The following CRMP1 variants were observed in gnomAD, a reference collection of about 807,000 sequenced individuals.
CRMP1 encodes the protein dihydropyrimidinase-related protein 1.
Under a neutral mutation model 68.3 loss-of-function variants are expected in CRMP1, and 19 were observed. That is an observed-to-expected ratio of 0.28 (90% CI 0.19 to 0.41). The LOEUF (loss-of-function observed/expected upper bound fraction) is 0.41, where lower values mean the gene tolerates loss of function less well. CRMP1 is among the 10% of genes least tolerant of loss of function. CRMP1 has a pLI of 1.00. For missense variants in CRMP1, 791 were observed against 967.4 expected, an observed-to-expected ratio of 0.82 and a Z score of 2.42; for synonymous variants, 439 against 399.6, an observed-to-expected ratio of 1.10 and a Z score of -1.18.
At chr4:5,862,812 CT>C (rs1237698706) in intron 2 of CRMP1, among the ~76,000 whole-genome samples, 1 of 152,160 alleles carries the variant, frequency 6.6e-6, no homozygotes, top group Non-Finnish European at 1.5e-5. Flanking sequence ...ATGAGAGGTT[CT>C]TTTAATTATT....
chr4:5,874,898 C>T (rs1178059908), intron 1 of CRMP1, among the ~76,000 whole-genome samples: 3 of 152,154 alleles, frequency 2.0e-5, no homozygotes, highest in Non-Finnish European at 4.4e-5. Flanking sequence ...AAAGCCTGCA[C>T]GCTACAGATG....
chr4:5,840,403 A>G (rs1006473667), intron 8 of CRMP1, among the ~76,000 whole-genome samples: 20 of 152,202 alleles, frequency 1.3e-4, no homozygotes, highest in Non-Finnish European at 2.8e-4. Flanking sequence ...TTAGAGACCA[A>G]GGGCAAGAGA....
At position 5,839,611 on chromosome 4, in the gene CRMP1, C is replaced by A; in HGVS notation, c.1221G>T (p.Lys407Asn). 1 of 1,613,264 alleles carries A rather than the reference C, an allele frequency of 6.2e-7. No homozygotes were observed. Among genetic ancestry groups the A allele is most frequent in the Non-Finnish European group, 8.5e-7 (1 of 1,179,634 alleles). Reference sequence around the variant, plus strand: ...CGAACGCCGCAGCCTTGGCCCAGTTCTTGCTCCAGTAATGGGTGCCATCGG... The same window carrying A: ...CGAACGCCGCAGCCTTGGCCCAGTTATTGCTCCAGTAATGGGTGCCATCGG... ...LGTDGTHYWS[K>N]NWAKAAAFVT... Residue 407 changes from lysine (K) to asparagine (N), a missense_variant, in exon 9 of 14, where the codon AAG becomes AAT. This residue lies in a region of CRMP1 where 594 missense variants were observed against 763.6 expected (regional missense o/e 0.78). Transcript: ENST00000324989.
intron 11 of CRMP1, among the ~76,000 whole-genome samples, chr4:5,831,077 T>C (rs1022738441): frequency 5.3e-5 from 8 of 152,078 alleles, no homozygotes; most frequent in Non-Finnish European, 1.2e-4. Flanking sequence ...GCCTCTCAAG[T>C]AGCTAGGACT....
At chr4:5,868,187 AAC>A (rs1714125800) in intron 1 of CRMP1, among the ~76,000 whole-genome samples, 1 of 150,490 alleles carries the variant, frequency 6.6e-6, no homozygotes, top group Non-Finnish European at 1.5e-5. Context: ...AACCAAAAAG[AAC>A]ACAGTTCTGT....
At position 5,887,642 on chromosome 4, in the gene CRMP1, A is replaced by G. The variant is rs1294374590; in HGVS notation, c.381+4947T>C. On this transcript the variant is annotated intron_variant, in intron 1 of 13. Transcript: ENST00000324989. Reference sequence around the variant, plus strand: ...TAACCCTTCCCGGGCCGCAGCCGCCAGCGTCGCCCCATTAGGTTATTTTTA... The same window carrying G: ...TAACCCTTCCCGGGCCGCAGCCGCCGGCGTCGCCCCATTAGGTTATTTTTA... The G allele has an allele frequency of 3.0e-6, 3 of 985,386 alleles. No homozygotes were observed. In the African/African-American group the frequency reaches 5.2e-5, roughly 17 times the overall value. The allele number at this position is 985,386 out of a possible 1,614,324, so 61.0% of individuals were successfully genotyped here. A position where few individuals can be genotyped will look rare whatever the true frequency, so the allele number is the denominator to read the frequency against.
chr4:5,833,680 G>T (rs529625045), intron 11 of CRMP1, among the ~76,000 whole-genome samples: 26 of 152,258 alleles, frequency 1.7e-4, no homozygotes, highest in Middle Eastern at 3.4e-3. Flanking sequence ...ACAGTATTTG[G>T]CTGGATTGTG....
intron 1 of CRMP1, among the ~76,000 whole-genome samples, chr4:5,874,630 A>G (rs1311599558): frequency 6.6e-6 from 1 of 152,142 alleles, no homozygotes; most frequent in African/African-American, 2.4e-5. Context: ...GGGAGGCAAC[A>G]GACAAGAGGC....
rs964434830 is a variant in CRMP1 at position 5,843,312 on chromosome 4, G to A, written c.964-151C>T. On this transcript the variant is annotated intron_variant, in intron 6 of 13. Transcript: ENST00000324989. The surrounding 1 kb of genome is among the most constrained non-coding windows in gnomAD (Gnocchi z 4.1). ...GTTAACAGTGTGCGGGGTGGGGGCA[G>A]TGAACTGTGTCCCCTCCACTACACA... The A allele has an allele frequency of 1.7e-5, 12 of 695,828 alleles. No individual in the cohort carries two copies. The African/African-American group carries it at 1.9e-4, about 11-fold the overall frequency. The allele number at this position is 695,828 out of a possible 1,614,324, so 43.1% of individuals were successfully genotyped here. A position where few individuals can be genotyped will look rare whatever the true frequency, so the allele number is the denominator to read the frequency against.
In CRMP1 at chr4:5,841,407, G is replaced by A; in HGVS notation, c.1054C>T (p.Arg352Trp). The change falls in exon 8 of 14, where the codon CGG (arginine) becomes TGG (tryptophan). Residue 352 changes from arginine (R) to tryptophan (W), a missense_variant. Transcript: ENST00000324989. This position sits in a 1 kb window ranked among gnomAD's most constrained non-coding sequence, Gnocchi z 6.9. ...PEELEAEAVF[R>W]AITIAGRINC... ...ATCCGGCCCGCAATGGTGATGGCCC[G>A]GAACACCGCCTCGGCCTCCAGCTGA... is the stretch of plus-strand genomic sequence containing the variant. 3.1e-6 allele frequency: 5 copies of A among 1,614,134 alleles called. No individual in the cohort carries two copies. The highest frequency in any genetic ancestry group is 4.2e-6 in the Non-Finnish European group (5 of 1,180,020).
intron 13 of CRMP1, among the ~76,000 whole-genome samples, chr4:5,822,216 T>C (rs1718725668): frequency 6.6e-6 from 1 of 152,226 alleles, no homozygotes; most frequent in Non-Finnish European, 1.5e-5. Flanking sequence ...AATCATACTA[T>C]GAAGGGGGTG....
chr4:5,873,315 G>A (rs1204722352), intron 1 of CRMP1, among the ~76,000 whole-genome samples: 2 of 152,214 alleles, frequency 1.3e-5, no homozygotes. Flanking sequence ...AAGGGATCCT[G>A]AGAGAGGGAA....
At position 5,861,103 on chromosome 4, in the gene CRMP1, G is replaced by A. The variant is rs1402107149; in HGVS notation, c.578C>T (p.Pro193Leu). 1 of 1,614,192 alleles carries A rather than the reference G, an allele frequency of 6.2e-7. No homozygotes were observed. Residue 193 changes from proline (P) to leucine (L), a missense_variant, in exon 3 of 14, where the codon CCC becomes CTC. This residue lies in a region of CRMP1 where 594 missense variants were observed against 763.6 expected (regional missense o/e 0.78). Transcript: ENST00000324989. The surrounding 1 kb of genome is among the most constrained non-coding windows in gnomAD (Gnocchi z 6.0). The part of the protein sequence containing the change: ...GIDVNTYLQK[P>L]SQGMTAADDF... ...ATCAGCCGCAGTCATCCCCTGGGAG[G>A]GCTTCTGCAGGTACGTGTTGACATC...
chr4:5,843,042 G>A lies in CRMP1; in HGVS notation c.1032+51C>T. 1 of 1,553,420 alleles carries A rather than the reference G, an allele frequency of 6.4e-7. No homozygotes were observed. The highest frequency in any genetic ancestry group is 2.2e-5 in the East Asian group (1 of 44,556). The stretch of plus-strand genomic sequence containing the variant: ...ACTCCAGCTGGAACAGCATCAAGGT[G>A]AGTGCTCAGTGGTGAGTGTCAGAGT... On this transcript the variant is annotated intron_variant, in intron 7 of 13. Transcript: ENST00000324989. This position sits in a 1 kb window ranked among gnomAD's most constrained non-coding sequence, Gnocchi z 4.1.
rs1392218121 is a variant in CRMP1, at chr4:5,842,055, C to T, written c.1033-627G>A. Reference sequence around the variant, plus strand: ...GAGATCGAGACCATCCTGGCTAACACGGTGAAACCCTGTCTCTACTGAAAA... The same window carrying T: ...GAGATCGAGACCATCCTGGCTAACATGGTGAAACCCTGTCTCTACTGAAAA... On this transcript the variant is annotated intron_variant, in intron 7 of 13. Coordinates refer to ENST00000324989, the MANE Select transcript of CRMP1 (RefSeq NM_001014809.3). The surrounding 1 kb of genome is among the most constrained non-coding windows in gnomAD (Gnocchi z 4.5). 5.3e-5 allele frequency among the ~76,000 whole-genome samples: 8 copies of T among 152,136 alleles called. No homozygotes were observed. The highest frequency in any genetic ancestry group is 2.1e-4 in the South Asian group (1 of 4,822).
rs1383175245 is a variant in CRMP1 at position 5,842,178 on chromosome 4, C to T, written c.1033-750G>A. 1.3e-5 allele frequency among the ~76,000 whole-genome samples: 2 copies of T among 152,132 alleles called. No individual in the cohort carries two copies. Among genetic ancestry groups the T allele is most frequent in the African/African-American group, 4.8e-5 (2 of 41,446 alleles). ...GTGTGAACCCGGGAGGCAGAGCTTG[C>T]AGTGAGCCAAGATGGCGCCACTTCA... On this transcript the variant is annotated intron_variant, in intron 7 of 13. Coordinates refer to ENST00000324989, the MANE Select transcript of CRMP1 (RefSeq NM_001014809.3). This position sits in a 1 kb window ranked among gnomAD's most constrained non-coding sequence, Gnocchi z 4.5.
chr4:5,822,108 C>A (rs796419485), intron 13 of CRMP1, among the ~76,000 whole-genome samples: 32 of 152,358 alleles, frequency 2.1e-4, no homozygotes, highest in African/African-American at 7.5e-4. Flanking sequence ...CCAGTAAAAT[C>A]CGACATTCCT....
rs1278449674 is a variant in CRMP1 at position 5,893,074 on chromosome 4, CG to C, written c.-106del. ...GCCTCGGTGCGGGCCTGCGGCGGCC[CG>C]GGCGCGACTGCGGCCCAGGGAGGGG... is the stretch of plus-strand genomic sequence containing the variant. On this transcript the variant is annotated 5_prime_UTR_variant, in exon 1 of 14. Transcript: ENST00000324989. 5 of 796,368 alleles carry C rather than the reference CG, an allele frequency of 6.3e-6. No homozygotes were observed. The highest frequency in any genetic ancestry group is 7.6e-6 in the Non-Finnish European group (5 of 658,738). 49.3% of individuals were successfully genotyped at this position (796,368 alleles called of 1,614,324 possible).
At chr4:5,887,704 G>C (rs1025587888) in intron 1 of CRMP1, 4 of 985,088 alleles carry the variant, frequency 4.1e-6, no homozygotes, top group African/African-American at 3.5e-5. Flanking sequence ...CCATCATGGC[G>C]CTGTCCCTAG....
Sources: allele counts gnomAD v4.1 joint callset (sites outside exome capture counted in the v4.1 genomes callset), GRCh38; gene constraint gnomAD v4.1.1; regional missense constraint gnomAD v4.1.1; non-coding constraint Gnocchi (gnomAD v3.1); transcripts MANE v1.5; gene names NCBI Gene and HGNC (gene_info 2026-07-23, HGNC 2026-07-21).